Variants in ASIC4 observed in about 807,000 individuals in gnomAD.
ASIC4 encodes acid-sensing ion channel 4.
ASIC4 carries 28 observed loss-of-function variants against 53.4 expected under a neutral mutation model. The ratio of observed to expected loss-of-function variants is 0.52; its 90% CI spans 0.39 to 0.72. The LOEUF (loss-of-function observed/expected upper bound fraction) is 0.72. ASIC4 is among the 30% of genes least tolerant of loss of function. The pLI is 0.00. For missense variants in ASIC4, 649 were observed against 729.7 expected (o/e 0.89, Z 1.27); for synonymous variants, 289 against 301.4 (o/e 0.96, Z 0.43).
Position 219,532,352 on chromosome 2 carries a change from C to T in ASIC4, c.893C>T (p.Ala298Val). Residue 298 changes from alanine to valine, a missense_variant, in exon 4 of 10, where the codon GCA becomes GTA. By Grantham distance (64) the Ala-to-Val change is moderately conservative. Transcript: ENST00000358078. ...YLPQPWGNCRAESELREPELQ... is the reference protein window; with the variant it reads ...YLPQPWGNCRVESELREPELQ... ...CCCCAGCCCTGGGGCAACTGCCGCG[C>T]AGAGAGTGAGCTCAGGGAGCCTGAG... 6.2e-7 allele frequency: 1 copy of T among 1,613,724 alleles called. No homozygotes were observed. Among genetic ancestry groups the T allele is most frequent in the Non-Finnish European group, 8.5e-7 (1 of 1,179,656 alleles).
rs1429397821 is a variant in ASIC4, at chr2:219,537,329, C to T, written c.1401+8C>T. ...CTCGACTACATCTATGAGGCAAGGGCCCTGGAGAAGGCAGGGTGGGAGTGG... is the reference window on the plus strand; with the variant it reads ...CTCGACTACATCTATGAGGCAAGGGTCCTGGAGAAGGCAGGGTGGGAGTGG... On this transcript the variant is annotated splice_region_variant and intron_variant, in intron 8 of 9. Transcript: ENST00000358078. This position sits in a 1 kb window ranked among gnomAD's most constrained non-coding sequence, Gnocchi z 4.9. The T allele has an allele frequency of 1.9e-6, 3 of 1,610,842 alleles. No individual in the cohort carries two copies. Among genetic ancestry groups the T allele is most frequent in the South Asian group, 2.2e-5 (2 of 90,522 alleles).
the ASIC4 span, among the ~76,000 whole-genome samples, chr2:219,507,154 G>A: frequency 6.6e-6 from 1 of 152,178 alleles, no homozygotes; most frequent in East Asian, 1.9e-4. Context: ...CCTCAGCCTC[G>A]TGCTGCTCGG....
In ASIC4 at chr2:219,537,645, G is replaced by T. The variant is rs143294962; in HGVS notation, c.1415G>T (p.Arg472Leu). ...LDYIYEVSWD[R>L]LKRVWRRPKT... ...CTGAACCCCAAGGTGTCCTGGGATC[G>T]ACTGAAGCGGGTATGGAGGCGTCCC... The change falls in exon 9 of 10, where the codon CGA (arginine) becomes CTA (leucine). Residue 472 changes from arginine (R) to leucine (L), a missense_variant. By Grantham distance (102) the Arg-to-Leu change is moderately radical. Coordinates refer to ENST00000358078, the MANE Select transcript of ASIC4 (RefSeq NM_018674.6). This position sits in a 1 kb window ranked among gnomAD's most constrained non-coding sequence, Gnocchi z 4.9. The T allele has an allele frequency of 6.2e-6, 10 of 1,612,998 alleles. No homozygotes were observed. Among genetic ancestry groups the T allele is most frequent in the Non-Finnish European group, 6.8e-6 (8 of 1,179,504 alleles).
chr2:219,514,377 G>C, upstream of ASIC4: 2 of 1,546,464 alleles, frequency 1.3e-6, no homozygotes, highest in Non-Finnish European at 1.7e-6. Flanking sequence ...TGCGCGGCGT[G>C]GCGGAGCAGC....
Position 219,531,863 on chromosome 2 carries a change from A to G in ASIC4, c.688A>G (p.Ile230Val), listed in dbSNP as rs763843066. Reference protein sequence around the residue: ...MGSGLEIMLDIQQEEYLPIWR... With the variant: ...MGSGLEIMLDVQQEEYLPIWR... ...CAGTGGCCTGGAGATCATGCTGGAC[A>G]TCCAGCAGGAGGAGTACCTGCCCAT... Residue 230 changes from isoleucine (I) to valine (V), a missense_variant, in exon 2 of 10, where the codon ATC becomes GTC. Transcript: ENST00000358078. The G allele has an allele frequency of 3.1e-6, 5 of 1,613,400 alleles. No individual in the cohort carries two copies. Among genetic ancestry groups the G allele is most frequent in the Non-Finnish European group, 3.4e-6 (4 of 1,179,632 alleles).
intron 1 of ASIC4, among the ~76,000 whole-genome samples, chr2:219,529,212 G>A (rs1284275939): frequency 6.6e-6 from 1 of 152,234 alleles, no homozygotes; most frequent in Non-Finnish European, 1.5e-5. Flanking sequence ...AACATGTGAA[G>A]CGTTTAGCAC....
intron 1 of ASIC4, among the ~76,000 whole-genome samples, chr2:219,522,585 G>T (rs1047261539): frequency 6.6e-5 from 10 of 152,198 alleles, no homozygotes; most frequent in Non-Finnish European, 1.2e-4. Flanking sequence ...CTCCCGCCTG[G>T]CTGGGGATCT....
At position 219,515,046 on chromosome 2, in the gene ASIC4, C is replaced by A. The variant is rs1694761708; in HGVS notation, c.322C>A (p.Pro108Thr). The A allele has an allele frequency of 6.2e-7, 1 of 1,613,752 alleles. No individual in the cohort carries two copies. The highest frequency in any genetic ancestry group is 2.2e-5 in the East Asian group (1 of 44,858). ...GGCAATGGACCCCGCTGCCCCAGCC[C>A]CAGTGGCGGGCTTCCCGGCTGTCAC... ...LVAMDPAAPA[P>T]VAGFPAVTLC... Residue 108 changes from proline (P) to threonine (T), a missense_variant, in exon 1 of 10, where the codon CCA becomes ACA. Transcript: ENST00000358078.
At chr2:219,533,241 A>G (rs1695073095) in intron 5 of ASIC4, 2 of 511,748 alleles carry the variant, frequency 3.9e-6, no homozygotes, top group South Asian at 4.8e-5. Context: ...AGAAAGTGAA[A>G]TGACTTCTCT....
intron 1 of ASIC4, among the ~76,000 whole-genome samples, chr2:219,528,700 C>G (rs1420116692): frequency 3.3e-5 from 5 of 152,112 alleles, no homozygotes; most frequent in African/African-American, 7.2e-5. Flanking sequence ...CCATGACACC[C>G]AGCTAATTTT....
At chr2:219,515,641 C>T (rs955692916) in intron 1 of ASIC4, among the ~76,000 whole-genome samples, 2 of 152,242 alleles carry the variant, frequency 1.3e-5, no homozygotes, top group African/African-American at 2.4e-5. Context: ...ACGCACGCAC[C>T]ATCCCAAGGC....
rs754491811 is a variant in ASIC4, at chr2:219,537,190, G to C, written c.1321+33G>C. On this transcript the variant is annotated intron_variant, in intron 7 of 9. Transcript: ENST00000358078. This position sits in a 1 kb window ranked among gnomAD's most constrained non-coding sequence, Gnocchi z 4.9. ...TGGTGTCCCTGCCCCCAGCTTGTGT[G>C]GGGGTGGATCGGCCCGGCCGCTCCC... 12 of 1,612,442 alleles carry C rather than the reference G, an allele frequency of 7.4e-6. No homozygotes were observed. In the East Asian group the frequency reaches 1.8e-4, roughly 24 times the overall value.
chr2:219,517,115 G>A lies in ASIC4; in HGVS notation c.582+1809G>A, dbSNP rs892563110. The A allele has an allele frequency of 5.9e-5, 9 of 152,488 alleles. No individual in the cohort carries two copies. The highest frequency in any genetic ancestry group is 2.2e-4 in the African/African-American group (9 of 41,454). The allele number at this position is 152,488 out of a possible 1,614,324, so 9.4% of individuals were successfully genotyped here. A position where few individuals can be genotyped will look rare whatever the true frequency, so the allele number is the denominator to read the frequency against. ...CGGGAGTTGGGGGTGGGCAGGAAAG[G>A]GGAAGGGTGATGAGACCTCAGTGAG... On this transcript the variant is annotated intron_variant, in intron 1 of 9. Coordinates refer to ENST00000358078, the MANE Select transcript of ASIC4 (RefSeq NM_018674.6). This position sits in a 1 kb window ranked among gnomAD's most constrained non-coding sequence, Gnocchi z 4.2.
the ASIC4 span, among the ~76,000 whole-genome samples, chr2:219,507,828 G>C: frequency 1.8e-4 from 27 of 152,274 alleles, no homozygotes; most frequent in Non-Finnish European, 3.2e-4. Flanking sequence ...CAGCAGGCAG[G>C]GGTGGCAGGC....
In ASIC4 at chr2:219,514,826, C is replaced by A. The variant is rs1299246733; in HGVS notation, c.102C>A (p.Ala34=). ...GDEQSLLGAV[A]PGAAPRDLAT... is the part of the protein sequence containing the mutation. ...AGCAGAGCCTCCTCGGGGCTGTTGC[C>A]CCTGGAGCAGCCCCCCGAGACCTGG... The change falls in exon 1 of 10, where the codon GCC becomes GCA. Residue 34 remains alanine (A), a synonymous_variant. Coordinates refer to ENST00000358078, the MANE Select transcript of ASIC4 (RefSeq NM_018674.6). 6.2e-7 allele frequency: 1 copy of A among 1,613,142 alleles called. No homozygotes were observed. Among genetic ancestry groups the A allele is most frequent in the African/African-American group, 1.3e-5 (1 of 74,908 alleles).
chr2:219,514,639 C>T lies in ASIC4; in HGVS notation c.-86C>T, dbSNP rs1694751820. ...AGTTTAGAAGAGCAGCCGCTGCCACCACTGCCACTCGGGAGGGCACCAGGG... is the reference window on the plus strand; with the variant it reads ...AGTTTAGAAGAGCAGCCGCTGCCACTACTGCCACTCGGGAGGGCACCAGGG... On this transcript the variant is annotated 5_prime_UTR_variant, in exon 1 of 10. Coordinates refer to ENST00000358078, the MANE Select transcript of ASIC4 (RefSeq NM_018674.6). 6 of 1,612,274 alleles carry T rather than the reference C, an allele frequency of 3.7e-6. No individual in the cohort carries two copies. The highest frequency in any genetic ancestry group is 5.1e-6 in the Non-Finnish European group (6 of 1,179,214).
rs1574497594 is a variant in ASIC4, at chr2:219,538,198, G to A, written c.*152G>A. On this transcript the variant is annotated 3_prime_UTR_variant, in exon 10 of 10. Coordinates refer to ENST00000358078, the MANE Select transcript of ASIC4 (RefSeq NM_018674.6). ...CTCATCCTCCCCTGCCCTGATGTCA[G>A]CTGCTTTGCACAAAGGTCCTTCTTG... The A allele has an allele frequency of 1.3e-5, 9 of 686,056 alleles. No homozygotes were observed. In the East Asian group the frequency reaches 1.4e-4, roughly 10 times the overall value. The allele number at this position is 686,056 out of a possible 1,614,324, so 42.5% of individuals were successfully genotyped here. A position where few individuals can be genotyped will look rare whatever the true frequency, so the allele number is the denominator to read the frequency against.
At chr2:219,514,077 T>A, upstream of ASIC4, 1 of 475,290 alleles carries the variant, frequency 2.1e-6, no homozygotes, top group Non-Finnish European at 3.7e-6. Flanking sequence ...TGACCCTTCA[T>A]GGGGTGTGGG....
intron 1 of ASIC4, among the ~76,000 whole-genome samples, chr2:219,529,498 C>T (rs979750864): frequency 1.3e-5 from 2 of 152,084 alleles, no homozygotes; most frequent in Non-Finnish European, 2.9e-5. Context: ...GAGAAAGGGA[C>T]GGGACTGGGG....
Sources: allele counts gnomAD v4.1 joint callset (sites outside exome capture counted in the v4.1 genomes callset), GRCh38; gene constraint gnomAD v4.1.1; non-coding constraint Gnocchi (gnomAD v3.1); transcripts MANE v1.5; gene names NCBI Gene and HGNC (gene_info 2026-07-23, HGNC 2026-07-21).